The following HNF4G variants were observed in gnomAD, a reference collection of about 807,000 sequenced individuals.
HNF4G encodes the protein hepatocyte nuclear factor 4-gamma.
A neutral mutation model predicts 50.9 loss-of-function variants in HNF4G; 21 were observed. The observed-to-expected ratio is 0.41, with a 90% confidence interval of 0.29 to 0.59. HNF4G has a LOEUF of 0.59. Ranked by LOEUF, HNF4G falls within the 20% of genes least tolerant of loss-of-function variation. The pLI is 0.26. For missense variants in HNF4G, 527 were observed against 559.4 expected (o/e 0.94, Z 0.58); for synonymous variants, 198 against 185.6 (o/e 1.07, Z -0.54).
intron 1 of HNF4G, among the ~76,000 whole-genome samples, chr8:75,455,601 A>T (rs1811701509): frequency 6.6e-6 from 1 of 152,180 alleles, no homozygotes; most frequent in Admixed American, 6.5e-5. Flanking sequence ...AGTAATTAAG[A>T]AAATGTTCTT....
At chr8:75,532,653 C>A (rs537722147) in intron 2 of HNF4G, among the ~76,000 whole-genome samples, 8 of 152,114 alleles carry the variant, frequency 5.3e-5, no homozygotes, top group African/African-American at 1.9e-4. Flanking sequence ...CAATCATATA[C>A]AGGAGACTGT....
At chr8:75,487,013 A>G (rs1186927703) in intron 1 of HNF4G, among the ~76,000 whole-genome samples, 2 of 150,382 alleles carry the variant, frequency 1.3e-5, no homozygotes, top group East Asian at 3.9e-4. Context: ...CTAAAAAAAA[A>G]TGATAAGAAA....
intron 1 of HNF4G, among the ~76,000 whole-genome samples, chr8:75,411,246 C>T (rs551616516): frequency 2.4e-4 from 36 of 152,314 alleles, no homozygotes; most frequent in African/African-American, 7.7e-4. Flanking sequence ...AGCAGAGGAA[C>T]GGTTGAAACC....
chr8:75,437,020 G>T (rs1192525179), intron 1 of HNF4G, among the ~76,000 whole-genome samples: 3 of 152,274 alleles, frequency 2.0e-5, no homozygotes, highest in South Asian at 4.2e-4. Flanking sequence ...TTTCAGCCTG[G>T]GCTGAGCATC....
chr8:75,491,740 T>A (rs1462269150), intron 2 of HNF4G, among the ~76,000 whole-genome samples: 1 of 152,170 alleles, frequency 6.6e-6, no homozygotes, highest in Non-Finnish European at 1.5e-5. Context: ...CCTCCCAAAG[T>A]GCTAAGATTA....
chr8:75,425,211 AG>A (rs1165045938), intron 1 of HNF4G, among the ~76,000 whole-genome samples: 1 of 151,856 alleles, frequency 6.6e-6, no homozygotes, highest in African/African-American at 2.4e-5. Flanking sequence ...CAGCCTCCCG[AG>A]TAGCTGGGAT....
rs1172675769 is a variant in HNF4G, at chr8:75,494,281, G to T, written c.-24+4073G>T. ...ATTTTTACACAGAGTAAGGAAAAAA[G>T]CTACTGCTCTCCCATACAGCACACA... On this transcript the variant is annotated intron_variant, in intron 2 of 10. Transcript: ENST00000354370. Among the ~76,000 whole-genome samples the T allele has an allele frequency of 6.9e-5, 10 of 143,954 alleles. No homozygotes were observed. The South Asian group carries it at 2.2e-3, about 32-fold the overall frequency. 94.4% of individuals were successfully genotyped at this position (143,954 alleles called of 152,430 possible).
At chr8:75,513,319 T>C (rs893552182) in intron 2 of HNF4G, among the ~76,000 whole-genome samples, 1 of 152,212 alleles carries the variant, frequency 6.6e-6, no homozygotes. Context: ...ATTACAAGCA[T>C]GAGCCACCGC....
intron 2 of HNF4G, among the ~76,000 whole-genome samples, chr8:75,545,899 G>A (rs1806764485): frequency 6.6e-6 from 1 of 151,900 alleles, no homozygotes; most frequent in Admixed American, 6.6e-5. Context: ...CATTCTCCTT[G>A]TGTTTTTGTC....
chr8:75,491,683 C>T (rs1239459093), intron 2 of HNF4G, among the ~76,000 whole-genome samples: 2 of 152,122 alleles, frequency 1.3e-5, no homozygotes, highest in Non-Finnish European at 2.9e-5. Context: ...TTCATGTTGG[C>T]CAGGCTGGTC....
chr8:75,540,650 A>G lies in HNF4G; in HGVS notation c.118+570A>G, dbSNP rs183565149. Among the ~76,000 whole-genome samples, 354 of 152,190 alleles carry G rather than the reference A, an allele frequency of 2.3e-3. 2 individuals carry two copies. Among genetic ancestry groups the G allele is most frequent in the African/African-American group, 8.3e-3 (343 of 41,542 alleles). On this transcript the variant is annotated intron_variant, in intron 1 of 9. Transcript: ENST00000396423. ...TGACAGGCTAATGTTTAGCCGCACA[A>G]AGCTGTTGGTATTTAATTACTGTAA... is the stretch of plus-strand genomic sequence containing the variant.
chr8:75,527,112 G>A (rs1217553912), intron 2 of HNF4G: 1 of 152,044 alleles, frequency 6.6e-6, no homozygotes, highest in African/African-American at 2.4e-5. Flanking sequence ...TTAGTGCCCT[G>A]TTTGCCTCAT....
chr8:75,448,512 T>TAA (rs1188409041), intron 1 of HNF4G, among the ~76,000 whole-genome samples: 3 of 138,958 alleles, frequency 2.2e-5, no homozygotes, highest in African/African-American at 7.9e-5. Context: ...ACAAATACCT[T>TAA]AAAAAAAAAA....
intron 1 of HNF4G, among the ~76,000 whole-genome samples, chr8:75,417,129 A>G (rs931433579): frequency 1.4e-4 from 22 of 151,986 alleles, no homozygotes; most frequent in East Asian, 7.7e-4. Context: ...GCGCACACAC[A>G]CACACACACA....
At chr8:75,543,706 A>G in intron 1 of HNF4G, 105 bp from the exon 2 acceptor site, 1 of 934,948 alleles carries the variant, frequency 1.1e-6, no homozygotes, top group Non-Finnish European at 1.6e-6. Context: ...TGGGGTCTCC[A>G]AGAAGCCAAT....
At position 75,469,441 on chromosome 8, in the gene HNF4G, T is replaced by G. The variant is rs1812064559; in HGVS notation, c.-143-20648T>G. Among the ~76,000 whole-genome samples the G allele has an allele frequency of 2.6e-5, 4 of 152,192 alleles. No individual in the cohort carries two copies. In the South Asian group the frequency reaches 8.3e-4, roughly 31 times the overall value. On this transcript the variant is annotated intron_variant, in intron 1 of 10. Coordinates refer to the HNF4G transcript ENST00000354370. Reference sequence around the variant, plus strand: ...CTGAGGATTCTTGGTATACATAATTTTTTGTTTGTTTTGCCATTATCAGAA... The same window carrying G: ...CTGAGGATTCTTGGTATACATAATTGTTTGTTTGTTTTGCCATTATCAGAA...
intron 1 of HNF4G, among the ~76,000 whole-genome samples, chr8:75,488,319 G>C (rs181099693): frequency 1.3e-5 from 2 of 152,132 alleles, no homozygotes; most frequent in African/African-American, 2.4e-5. Context: ...TGTTGCCCAG[G>C]GTGGAGTGCG....
chr8:75,480,663 A>G (rs1236420568), intron 1 of HNF4G, among the ~76,000 whole-genome samples: 1 of 152,000 alleles, frequency 6.6e-6, no homozygotes, highest in Non-Finnish European at 1.5e-5. Context: ...TTTCAATCCT[A>G]ATGACCTTGA....
chr8:75,472,429 C>T (rs955560759), intron 1 of HNF4G, among the ~76,000 whole-genome samples: 4 of 152,098 alleles, frequency 2.6e-5, no homozygotes, highest in Admixed American at 6.6e-5. Context: ...ACTGGTGTAG[C>T]CGAACCCTCT....
Sources: allele counts gnomAD v4.1 joint callset (sites outside exome capture counted in the v4.1 genomes callset), GRCh38; gene constraint gnomAD v4.1.1; transcripts MANE v1.5; gene names NCBI Gene and HGNC (gene_info 2026-07-23, HGNC 2026-07-21).